The following MAGI3 variants were observed in gnomAD, a reference collection of about 807,000 sequenced individuals.
MAGI3 encodes membrane associated guanylate kinase, WW and PDZ domain containing 3.
Under a neutral mutation model 121.8 loss-of-function variants are expected in MAGI3, and 43 were observed. That is an observed-to-expected ratio of 0.35 (90% confidence interval 0.28 to 0.46). MAGI3 has a LOEUF of 0.46. MAGI3 is among the 20% of genes least tolerant of loss of function. The pLI is 1.00. For missense variants in MAGI3, 1,547 were observed against 1,797.3 expected, an observed-to-expected ratio of 0.86 and a Z score of 2.52; for synonymous variants, 553 against 639.3, an observed-to-expected ratio of 0.86 and a Z score of 2.04.
rs765486888 is a variant in MAGI3, at chr1:113,683,997, G to A, written c.4429G>A (p.Ala1477Thr). 57 of 1,571,124 alleles carry A rather than the reference G, an allele frequency of 3.6e-5. No individual in the cohort carries two copies. The highest frequency in any genetic ancestry group is 4.8e-5 in the Non-Finnish European group (56 of 1,164,660). ...TAAAGTCACAGGCACTATTGGTATGGCTGAGAAACGGCAGTAACCTTTAGT... is the reference window on the plus strand; with the variant it reads ...TAAAGTCACAGGCACTATTGGTATGACTGAGAAACGGCAGTAACCTTTAGT... ...GNKVTGTIGM[A>T]EKRQ Residue 1477 changes from alanine to threonine, a missense_variant, in exon 21 of 21, where the codon GCT (alanine) becomes ACT (threonine). Physicochemically the swap from Ala to Thr is moderately conservative, Grantham distance 58. Transcript: ENST00000307546.
intron 1 of MAGI3, among the ~76,000 whole-genome samples, chr1:113,507,651 A>G (rs1657401610): frequency 6.6e-6 from 1 of 152,168 alleles, no homozygotes. Flanking sequence ...TTGATTTTTG[A>G]TTGACAGAAT....
intron 1 of MAGI3, among the ~76,000 whole-genome samples, chr1:113,461,820 T>G (rs947800177): frequency 1.3e-5 from 2 of 152,150 alleles, no homozygotes; most frequent in South Asian, 4.1e-4. Flanking sequence ...TTACAAACTA[T>G]GCATCTGACA....
chr1:113,598,434 A>C (rs1371298319), intron 6 of MAGI3, among the ~76,000 whole-genome samples: 1 of 152,186 alleles, frequency 6.6e-6, no homozygotes, highest in African/African-American at 2.4e-5. Context: ...TCTTCAAGAG[A>C]TTCATCTAAC....
Position 113,654,007 on chromosome 1 carries a change from C to A in MAGI3, c.2618C>A (p.Pro873Gln). 1 of 1,612,946 alleles carries A rather than the reference C, an allele frequency of 6.2e-7. No individual in the cohort carries two copies. The highest frequency in any genetic ancestry group is 1.1e-5 in the South Asian group (1 of 90,946). Residue 873 changes from proline to glutamine, a missense_variant, in exon 15 of 21, where the codon CCA becomes CAA. By Grantham distance (76) the Pro-to-Gln change is moderately conservative. Coordinates refer to ENST00000307546, the MANE Select transcript of MAGI3 (RefSeq NM_001142782.2). ...GFVILTSKNK[P>Q]PPGVIPHKIG... ...GTCATCCTCACCTCCAAAAACAAAC[C>A]ACCTCCAGGAGGTAAGGGCTATTGT...
At chr1:113,423,319 T>G (rs181525489) in intron 1 of MAGI3, among the ~76,000 whole-genome samples, 214 of 150,610 alleles carry the variant, frequency 1.4e-3, no homozygotes, top group African/African-American at 4.9e-3. Context: ...TTGCCCAGGC[T>G]GGAGTGCAGT....
chr1:113,540,242 G>A (rs552974096), intron 1 of MAGI3, among the ~76,000 whole-genome samples: 1 of 152,264 alleles, frequency 6.6e-6, no homozygotes. Context: ...ATTTTTGCAC[G>A]TTTAAGACAA....
intron 1 of MAGI3, among the ~76,000 whole-genome samples, chr1:113,532,734 G>T (rs1658785066): frequency 6.6e-6 from 1 of 152,060 alleles, no homozygotes; most frequent in Non-Finnish European, 1.5e-5. Context: ...TGAGGTTAAG[G>T]TACTTGTGAA....
At chr1:113,584,085 T>C (rs1648214109) in intron 3 of MAGI3, among the ~76,000 whole-genome samples, 1 of 152,196 alleles carries the variant, frequency 6.6e-6, no homozygotes, top group Admixed American at 6.5e-5. Flanking sequence ...CAATCAATTA[T>C]CTACCTCATT....
intron 16 of MAGI3, among the ~76,000 whole-genome samples, chr1:113,659,866 T>A (rs1474613624): frequency 6.6e-6 from 1 of 152,206 alleles, no homozygotes; most frequent in East Asian, 1.9e-4. Flanking sequence ...GAACCATCTT[T>A]AGCCAGTCCA....
At chr1:113,506,192 G>C (rs1180142056) in intron 1 of MAGI3, among the ~76,000 whole-genome samples, 1 of 152,180 alleles carries the variant, frequency 6.6e-6, no homozygotes, top group Non-Finnish European at 1.5e-5. Context: ...GGTGCTTGAA[G>C]ATCATGAGAG....
chr1:113,405,274 A>C lies in MAGI3; in HGVS notation c.316+13925A>C, dbSNP rs141075458. ...TGGATTGCTTGAGCCCAGGAGTTCA[A>C]GACCAGCCTGGGCTACATGGCGGAA... On this transcript the variant is annotated intron_variant, in intron 1 of 20. Transcript: ENST00000307546. Among the ~76,000 whole-genome samples the C allele has an allele frequency of 3.2e-3, 491 of 152,168 alleles. 1 individual carries two copies. Among genetic ancestry groups the C allele is most frequent in the Non-Finnish European group, 3.6e-3 (243 of 67,994 alleles).
chr1:113,467,582 G>C (rs1384632274), intron 1 of MAGI3, among the ~76,000 whole-genome samples: 1 of 152,078 alleles, frequency 6.6e-6, no homozygotes, highest in Non-Finnish European at 1.5e-5. Context: ...ACTCAGGCTG[G>C]AGCACAGTGG....
At chr1:113,529,225 T>C (rs930263482) in intron 1 of MAGI3, among the ~76,000 whole-genome samples, 1 of 152,218 alleles carries the variant, frequency 6.6e-6, no homozygotes, top group Non-Finnish European at 1.5e-5. Flanking sequence ...GTGATATAAC[T>C]GTGTAACTGT....
chr1:113,576,478 C>T (rs368301766), intron 2 of MAGI3, among the ~76,000 whole-genome samples: 19 of 152,098 alleles, frequency 1.2e-4, no homozygotes, highest in South Asian at 4.1e-4. Context: ...TCACCCTCCG[C>T]GAGCTGCACC....
intron 1 of MAGI3, among the ~76,000 whole-genome samples, chr1:113,453,729 T>C (rs1654602101): frequency 6.6e-6 from 1 of 152,258 alleles, no homozygotes; most frequent in African/African-American, 2.4e-5. Context: ...CTGATGCCTG[T>C]ATTCTTCTTT....
chr1:113,602,328 A>G (rs1363067604), intron 6 of MAGI3, among the ~76,000 whole-genome samples: 1 of 152,206 alleles, frequency 6.6e-6, no homozygotes, highest in Non-Finnish European at 1.5e-5. Context: ...AAAACTATAC[A>G]AATGCATGGA....
At chr1:113,629,955 C>T (rs115715125) in intron 9 of MAGI3, among the ~76,000 whole-genome samples, 1 of 151,788 alleles carries the variant, frequency 6.6e-6, no homozygotes, top group Non-Finnish European at 1.5e-5. Flanking sequence ...TACCTGGCTG[C>T]CACTTAAATT....
chr1:113,396,756 A>T lies in MAGI3; in HGVS notation c.316+5407A>T, dbSNP rs138315718. On this transcript the variant is annotated intron_variant, in intron 1 of 20. Coordinates refer to ENST00000307546, the MANE Select transcript of MAGI3 (RefSeq NM_001142782.2). ...TGCCAGCATGGAGCTAGCACTGGCG[A>T]TATAAACATGAGTCAGAAATTGTGT... 9.8e-5 allele frequency among the ~76,000 whole-genome samples: 15 copies of T among 152,332 alleles called. No individual in the cohort carries two copies. In the East Asian group the frequency reaches 1.2e-3, roughly 12 times the overall value.
At chr1:113,644,666 C>T (rs987132012) in intron 11 of MAGI3, among the ~76,000 whole-genome samples, 2 of 152,188 alleles carry the variant, frequency 1.3e-5, no homozygotes, top group Non-Finnish European at 2.9e-5. Context: ...ACAGTGTCTT[C>T]TTTGGCATTC....
Sources: gnomAD v4.1 joint callset for allele counts (sites outside exome capture counted in the v4.1 genomes callset) on GRCh38, gnomAD v4.1.1 for gene constraint, MANE v1.5 for transcripts, NCBI Gene and HGNC (gene_info 2026-07-23, HGNC 2026-07-21) for gene names.